Variants in SFMBT1 observed in about 807,000 individuals in gnomAD.
The protein encoded by SFMBT1 is Scm like with four mbt domains 1, also known as scm-like with four MBT domains protein 1.
In SFMBT1, 32 loss-of-function variants were observed where a neutral mutation model predicts 108.7. That is an observed-to-expected ratio of 0.29 (90% CI 0.22 to 0.40). SFMBT1 has a LOEUF of 0.40. SFMBT1 is among the 10% of genes least tolerant of loss of function. The pLI is 1.00. For missense variants in SFMBT1, 816 were observed against 1,059.6 expected (o/e 0.77, Z 3.19); for synonymous variants, 348 against 369.5 (o/e 0.94, Z 0.67).
intron 18 of SFMBT1, 58 bp downstream of exon 18, chr3:52,907,497 C>A: frequency 6.4e-7 from 1 of 1,569,450 alleles, no homozygotes; most frequent in East Asian, 2.2e-5. Context: ...TGTGTCCATA[C>A]TATAAAGCAG....
At chr3:53,026,031 G>A (rs973653982) in intron 1 of SFMBT1, among the ~76,000 whole-genome samples, 1 of 152,192 alleles carries the variant, frequency 6.6e-6, no homozygotes, top group African/African-American at 2.4e-5. Flanking sequence ...TAAGCACATT[G>A]CTTCAGAAAA....
intron 1 of SFMBT1, among the ~76,000 whole-genome samples, chr3:52,977,633 G>T (rs952896541): frequency 6.6e-6 from 1 of 152,178 alleles, no homozygotes; most frequent in Non-Finnish European, 1.5e-5. Context: ...AGTTCATGCT[G>T]GGGTGATGAA....
intron 4 of SFMBT1, among the ~76,000 whole-genome samples, chr3:52,935,608 T>C (rs1702982186): frequency 6.6e-6 from 1 of 152,220 alleles, no homozygotes; most frequent in Non-Finnish European, 1.5e-5. Context: ...TTTTAGTACA[T>C]ATTTCTAAAA....
At position 52,930,421 on chromosome 3, in the gene SFMBT1, C is replaced by G; in HGVS notation, c.805G>C (p.Val269Leu). Residue 269 changes from valine (V) to leucine (L), a missense_variant, in exon 8 of 21, where the codon GTT becomes CTT. Transcript: ENST00000394752. ...LPSYLFKDKQVIGIHTFSVNM... is the reference protein window; with the variant it reads ...LPSYLFKDKQLIGIHTFSVNM... ...ACAGAGAATGTATGAATGCCAATAA[C>G]TTGTTTGTCCTGAAATGCAGACACC... 1 of 1,606,190 alleles carries G rather than the reference C, an allele frequency of 6.2e-7. No homozygotes were observed. The highest frequency in any genetic ancestry group is 8.5e-7 in the Non-Finnish European group (1 of 1,172,776).
At position 53,040,968 on chromosome 3, in the gene SFMBT1, A is replaced by ATTTTTTTTTTTT. The variant is rs57640588; in HGVS notation, c.-131+4836_-131+4847dup. ...TACAGGCATGCACCAAGACACCTGAATTTTTTTTTTTTTTTTTTTTTTTTT... is the reference window on the plus strand; with the variant it reads ...TACAGGCATGCACCAAGACACCTGAATTTTTTTTTTTTTTTTTTTTTTTTTTTTTTTTTTTTT... On this transcript the variant is annotated intron_variant, in intron 1 of 20. Transcript: ENST00000394752. Among the ~76,000 whole-genome samples, 155 of 46,382 alleles carry ATTTTTTTTTTTT rather than the reference A, an allele frequency of 3.3e-3. 18 individuals carry two copies. Among genetic ancestry groups the ATTTTTTTTTTTT allele is most frequent in the Non-Finnish European group, 4.6e-3 (115 of 25,168 alleles). The allele number at this position is 46,382 out of a possible 152,430, so 30.4% of individuals were successfully genotyped here.
At chr3:53,018,452 T>TTCAGTTA (rs546598510) in intron 1 of SFMBT1, among the ~76,000 whole-genome samples, 127 of 152,014 alleles carry the variant, frequency 8.4e-4, no homozygotes, top group African/African-American at 2.8e-3. Flanking sequence ...ACCTAGAACC[T>TTCAGTTA]TCAGTTAGAC....
chr3:52,958,201 TA>T (rs901940382), intron 2 of SFMBT1, among the ~76,000 whole-genome samples: 2 of 151,312 alleles, frequency 1.3e-5, no homozygotes, highest in African/African-American at 4.9e-5. Flanking sequence ...GCAACAAACA[TA>T]AAAAAAAGCT....
intron 4 of SFMBT1, among the ~76,000 whole-genome samples, chr3:52,938,050 T>G (rs1360870182): frequency 6.6e-6 from 1 of 152,212 alleles, no homozygotes; most frequent in Non-Finnish European, 1.5e-5. Context: ...TCCTTTTTAT[T>G]GCTGTCTATA....
chr3:52,970,948 AC>A (rs1704321240), intron 1 of SFMBT1, among the ~76,000 whole-genome samples: 1 of 152,172 alleles, frequency 6.6e-6, no homozygotes, highest in African/African-American at 2.4e-5. Flanking sequence ...AGCCTGGGCA[AC>A]ACAGCAAAAC....
chr3:52,949,496 T>C (rs1703493505), intron 3 of SFMBT1, among the ~76,000 whole-genome samples: 1 of 152,180 alleles, frequency 6.6e-6, no homozygotes, highest in South Asian at 2.1e-4. Flanking sequence ...ATTCTGTTGT[T>C]AGATGCATAC....
intron 3 of SFMBT1, among the ~76,000 whole-genome samples, chr3:52,950,070 A>C (rs568146424): frequency 3.3e-5 from 5 of 152,300 alleles, no homozygotes; most frequent in African/African-American, 1.2e-4. Context: ...TCTTTTTAAC[A>C]GTGCATTTAG....
intron 1 of SFMBT1, among the ~76,000 whole-genome samples, chr3:52,995,987 C>T (rs1366882024): frequency 6.7e-6 from 1 of 148,392 alleles, no homozygotes; most frequent in Non-Finnish European, 1.5e-5. Context: ...AGAAGAATCA[C>T]TTGAACCCGG....
At chr3:53,027,665 T>A (rs376061073) in intron 1 of SFMBT1, among the ~76,000 whole-genome samples, 2 of 152,208 alleles carry the variant, frequency 1.3e-5, no homozygotes, top group East Asian at 3.8e-4. Flanking sequence ...AGTGTGCACA[T>A]GGGCCAATCA....
chr3:53,037,613 C>A (rs941923294), intron 1 of SFMBT1, among the ~76,000 whole-genome samples: 1 of 152,110 alleles, frequency 6.6e-6, no homozygotes, highest in Admixed American at 6.6e-5. Flanking sequence ...CAATAATACA[C>A]CCGAAGTTTC....
At chr3:52,944,866 A>G (rs1035934890) in intron 3 of SFMBT1, among the ~76,000 whole-genome samples, 6 of 151,778 alleles carry the variant, frequency 4.0e-5, no homozygotes, top group African/African-American at 1.5e-4. Flanking sequence ...CACCCACACT[A>G]AAGTGCAGTG....
chr3:52,934,003 C>A (rs889966487), intron 5 of SFMBT1, among the ~76,000 whole-genome samples: 3 of 151,936 alleles, frequency 2.0e-5, no homozygotes, highest in African/African-American at 7.3e-5. Context: ...ATAATACATT[C>A]AACTCAATAA....
chr3:52,961,348 G>A (rs981651712), intron 2 of SFMBT1, among the ~76,000 whole-genome samples: 1 of 152,132 alleles, frequency 6.6e-6, no homozygotes, highest in African/African-American at 2.4e-5. Flanking sequence ...ATAAGGAGAT[G>A]GATGGCAGTG....
At chr3:53,014,220 A>G (rs763084333) in intron 1 of SFMBT1, among the ~76,000 whole-genome samples, 6 of 152,184 alleles carry the variant, frequency 3.9e-5, no homozygotes, top group Non-Finnish European at 7.3e-5. Flanking sequence ...CTTTTTCCAA[A>G]ATGGATTTCC....
chr3:53,002,299 T>G (rs1443324682), intron 1 of SFMBT1, among the ~76,000 whole-genome samples: 2 of 146,736 alleles, frequency 1.4e-5, no homozygotes, highest in African/African-American at 5.0e-5. Flanking sequence ...CTTGGGAGGC[T>G]GAGGCAGGAG....
Sources: allele counts gnomAD v4.1 joint callset (sites outside exome capture counted in the v4.1 genomes callset), GRCh38; gene constraint gnomAD v4.1.1; transcripts MANE v1.5; gene names NCBI Gene and HGNC (gene_info 2026-07-23, HGNC 2026-07-21).